PUM2: variants seen among roughly 807,000 people sequenced by gnomAD.
The protein encoded by PUM2 is pumilio homolog 2.
Under a neutral mutation model 124.5 loss-of-function variants are expected in PUM2, and 57 were observed. That is an observed-to-expected ratio of 0.46 (90% CI 0.37 to 0.57). The LOEUF (loss-of-function observed/expected upper bound fraction) is 0.57, where lower values mean the gene tolerates loss of function less well. Ranked by LOEUF, PUM2 falls within the 20% of genes least tolerant of loss-of-function variation. PUM2 has a pLI of 0.00. For synonymous variants in PUM2, 460 were observed against 446.1 expected (o/e 1.03, Z -0.39); for missense variants, 1,065 against 1,290.6 (o/e 0.83, Z 2.68).
At chr2:20,255,058 C>T in intron 18 of PUM2, 74 bp from the exon 19 acceptor site, 2 of 1,530,496 alleles carry the variant, frequency 1.3e-6, no homozygotes, top group Admixed American at 1.9e-5. Flanking sequence ...ACATGTTAAT[C>T]ATTTCATCTA....
chr2:20,332,275 C>T, intron 1 of PUM2, among the ~76,000 whole-genome samples: 1 of 133,002 alleles, frequency 7.5e-6, no homozygotes, highest in East Asian at 2.0e-4. Context: ...TTCACTTATA[C>T]TACTAGAGTG....
intron 13 of PUM2, among the ~76,000 whole-genome samples, chr2:20,265,278 A>G (rs1022599040): frequency 3.9e-5 from 6 of 152,002 alleles, no homozygotes; most frequent in African/African-American, 1.2e-4. Context: ...ATGTAATTTA[A>G]GAAGCTATCT....
chr2:20,305,068 G>C (rs1369965841), intron 7 of PUM2, among the ~76,000 whole-genome samples: 1 of 152,140 alleles, frequency 6.6e-6, no homozygotes, highest in Non-Finnish European at 1.5e-5. Context: ...GGTCAATTTT[G>C]ATACACTATG....
chr2:20,345,623 C>G (rs1377710770), intron 1 of PUM2, among the ~76,000 whole-genome samples: 1 of 152,074 alleles, frequency 6.6e-6, no homozygotes, highest in African/African-American at 2.4e-5. Flanking sequence ...CCTGTAATCC[C>G]AGCATTTTGG....
intron 19 of PUM2, among the ~76,000 whole-genome samples, chr2:20,254,632 G>A (rs986826369): frequency 6.6e-6 from 1 of 152,058 alleles, no homozygotes; most frequent in Non-Finnish European, 1.5e-5. Context: ...CCAGTGTCGG[G>A]AGTAATTATT....
At chr2:20,304,851 A>G (rs1270604227) in intron 7 of PUM2, among the ~76,000 whole-genome samples, 4 of 152,268 alleles carry the variant, frequency 2.6e-5, no homozygotes, top group African/African-American at 7.2e-5. Flanking sequence ...TAAATAAAAT[A>G]TTCAAATTAA....
chr2:20,332,296 TG>T (rs1558665075), intron 1 of PUM2, among the ~76,000 whole-genome samples: 3 of 78,816 alleles, frequency 3.8e-5, no homozygotes, highest in Non-Finnish European at 1.0e-4. Flanking sequence ...TGTGTGTGTG[TG>T]TGTGTGTGTG....
chr2:20,348,788 T>C (rs1207499505), intron 1 of PUM2, among the ~76,000 whole-genome samples: 1 of 145,350 alleles, frequency 6.9e-6, no homozygotes, highest in Non-Finnish European at 1.5e-5. Context: ...CCGGGCGTGG[T>C]GGCGTGCGCC....
intron 7 of PUM2, among the ~76,000 whole-genome samples, chr2:20,299,722 T>G (rs1676503513): frequency 6.6e-6 from 1 of 152,204 alleles, no homozygotes; most frequent in Non-Finnish European, 1.5e-5. Context: ...CACAATCATT[T>G]TTTGTAGCCT....
chr2:20,274,969 A>AAAAAAAAAAAAAAAAAAAAAAAC (rs1669884589), intron 13 of PUM2, among the ~76,000 whole-genome samples: 1 of 146,326 alleles, frequency 6.8e-6, no homozygotes, highest in Non-Finnish European at 1.5e-5. Flanking sequence ...AAAAAAAAAA[A>AAAAAAAAAAAAAAAAAAAAAAAC]AAAAAGATGC....
chr2:20,304,591 A>T (rs1311020579), intron 7 of PUM2, among the ~76,000 whole-genome samples: 1 of 152,234 alleles, frequency 6.6e-6, no homozygotes, highest in Non-Finnish European at 1.5e-5. Context: ...GGTCGTGACC[A>T]AACCCATATG....
At position 20,350,839 on chromosome 2, in the gene PUM2, T is replaced by TCCCCTCCCCC; in HGVS notation, c.-262_-261insGGGGGAGGGG. The TCCCCTCCCCC allele has an allele frequency of 4.2e-6, 4 of 941,470 alleles. No individual in the cohort carries two copies. The highest frequency in any genetic ancestry group is 5.0e-6 in the Non-Finnish European group (4 of 792,856). The allele number at this position is 941,470 out of a possible 1,614,324, so 58.3% of individuals were successfully genotyped here. On this transcript the variant is annotated 5_prime_UTR_variant, in exon 1 of 21. Transcript: ENST00000361078. ...ACATGGCTGCCACCGCCGCCTGCCC[T>TCCCCTCCCCC]CCCCTCCCCCCCGCCCACCGGGCGC...
rs1393290323 is a variant in PUM2, at chr2:20,319,632, ATGTG to A, written c.52-991_52-988del. ...ATACCTGAAATTGGTCTGAGATAAG[ATGTG>A]TGTGTTTGTGTGTGTGACATAGTAA... On this transcript the variant is annotated intron_variant, in intron 2 of 20. Transcript: ENST00000361078. 3.9e-5 allele frequency among the ~76,000 whole-genome samples: 6 copies of A among 152,298 alleles called. No individual in the cohort carries two copies. The East Asian group carries it at 9.7e-4, about 25-fold the overall frequency.
At chr2:20,336,186 T>C (rs1291939358) in intron 1 of PUM2, among the ~76,000 whole-genome samples, 1 of 143,074 alleles carries the variant, frequency 7.0e-6, no homozygotes, top group African/African-American at 2.7e-5. Context: ...CGTTTTTTTG[T>C]TTTTTTGTTT....
chr2:20,327,718 T>A (rs1413943072), intron 1 of PUM2, among the ~76,000 whole-genome samples: 1 of 152,150 alleles, frequency 6.6e-6, no homozygotes, highest in African/African-American at 2.4e-5. Context: ...TTGTTTTTTT[T>A]AAATGGCATT....
intron 5 of PUM2, 123 bp from the exon 6 acceptor site, chr2:20,308,707 C>A: frequency 1.2e-6 from 1 of 866,092 alleles, no homozygotes; most frequent in East Asian, 2.7e-5. Context: ...CATTCTGGGT[C>A]ACTATGCCAC....
chr2:20,322,019 C>T (rs1408318613), intron 2 of PUM2, among the ~76,000 whole-genome samples: 1 of 152,102 alleles, frequency 6.6e-6, no homozygotes, highest in Non-Finnish European at 1.5e-5. Flanking sequence ...CAGGCATTTA[C>T]ATGAGTATAC....
chr2:20,292,385 C>T (rs537975336), intron 9 of PUM2, among the ~76,000 whole-genome samples: 21 of 151,194 alleles, frequency 1.4e-4, no homozygotes, highest in Admixed American at 5.9e-4. Flanking sequence ...TTTTCTGAGA[C>T]GAAGTCTCGC....
At chr2:20,322,182 C>T (rs939255139) in intron 2 of PUM2, among the ~76,000 whole-genome samples, 1 of 152,032 alleles carries the variant, frequency 6.6e-6, no homozygotes, top group African/African-American at 2.4e-5. Flanking sequence ...AAAAAAGATG[C>T]TATTAATAAT....
Sources: gnomAD v4.1 joint callset for allele counts (sites outside exome capture counted in the v4.1 genomes callset) on GRCh38, gnomAD v4.1.1 for gene constraint, MANE v1.5 for transcripts, NCBI Gene and HGNC (gene_info 2026-07-23, HGNC 2026-07-21) for gene names.